Variants in TBC1D32 observed in about 807,000 individuals in gnomAD.
The protein encoded by TBC1D32 is protein broad-minded.
TBC1D32 carries 151 observed loss-of-function variants against 170.3 expected under a neutral mutation model. That is an observed-to-expected ratio of 0.89 (90% CI 0.78 to 1.01). TBC1D32 has a LOEUF of 1.01. TBC1D32 is among the 50% of genes least tolerant of loss of function. The pLI is 0.00. For synonymous variants in TBC1D32, 498 were observed against 488.0 expected, an observed-to-expected ratio of 1.02 and a Z score of -0.27; for missense variants, 1,464 against 1,457.1, an observed-to-expected ratio of 1.00 and a Z score of -0.08.
chr6:121,281,515 T>C, intron 14 of TBC1D32, 29 bp downstream of exon 14: 1 of 1,583,074 alleles, frequency 6.3e-7, no homozygotes, highest in South Asian at 1.2e-5. Flanking sequence ...GGTAAGAGAC[T>C]CTTTTTCTCC....
chr6:121,260,268 C>G (rs1419919361), intron 15 of TBC1D32, among the ~76,000 whole-genome samples: 1 of 151,652 alleles, frequency 6.6e-6, no homozygotes, highest in Non-Finnish European at 1.5e-5. Context: ...ATACAGAAAG[C>G]AATTTAGAAG....
intron 3 of TBC1D32, 116 bp from the exon 4 acceptor site, chr6:121,310,963 A>T: frequency 1.5e-6 from 1 of 676,184 alleles, no homozygotes; most frequent in Non-Finnish European, 2.5e-6. Context: ...AGAGAAGGAG[A>T]TGATCTATTT....
chr6:121,101,634 C>T lies in TBC1D32; in HGVS notation c.3465+4389G>A, dbSNP rs1475004482. ...TGGAAAACTCACAGCCAGTATCACA[C>T]TGAATGGGCAAAAACTGGAAGCATT... On this transcript the variant is annotated intron_variant, in intron 30 of 31. Coordinates refer to ENST00000398212, the MANE Select transcript of TBC1D32 (RefSeq NM_152730.6). 3.3e-5 allele frequency among the ~76,000 whole-genome samples: 5 copies of T among 152,122 alleles called. No homozygotes were observed. In the South Asian group the frequency reaches 8.3e-4, roughly 25 times the overall value.
At chr6:121,171,857 GTC>G (rs1216310279) in intron 22 of TBC1D32, among the ~76,000 whole-genome samples, 1 of 152,038 alleles carries the variant, frequency 6.6e-6, no homozygotes, top group Non-Finnish European at 1.5e-5. Flanking sequence ...GTTAGGTAAG[GTC>G]TCTCTGAAAG....
upstream of TBC1D32, chr6:121,334,627 G>A (rs1276471194): frequency 1.6e-5 from 10 of 630,860 alleles, no homozygotes; most frequent in South Asian, 9.9e-5. Flanking sequence ...CTTTGGGGAA[G>A]CAGGGGTCCG....
At chr6:121,209,564 G>A (rs909529917) in intron 21 of TBC1D32, among the ~76,000 whole-genome samples, 6 of 152,158 alleles carry the variant, frequency 3.9e-5, no homozygotes, top group African/African-American at 1.4e-4. Flanking sequence ...TCATACAAGT[G>A]GTATTATGTG....
intron 22 of TBC1D32, among the ~76,000 whole-genome samples, chr6:121,162,206 C>G (rs1227780958): frequency 6.6e-6 from 1 of 152,100 alleles, no homozygotes; most frequent in East Asian, 1.9e-4. Flanking sequence ...AATTAGATCC[C>G]ATTTGTCAGT....
chr6:121,140,932 TTAGATTAGCCTGA>T (rs1202734406), intron 24 of TBC1D32, among the ~76,000 whole-genome samples: 2 of 152,242 alleles, frequency 1.3e-5, no homozygotes, highest in African/African-American at 4.8e-5. Flanking sequence ...TAAATTTACT[TTAGATTAGCCTGA>T]ACAAAAGTTT....
intron 30 of TBC1D32, among the ~76,000 whole-genome samples, chr6:121,095,086 A>G (rs1405497904): frequency 6.6e-6 from 1 of 152,234 alleles, no homozygotes; most frequent in Admixed American, 6.5e-5. Flanking sequence ...GCTTATAAAG[A>G]AAGTGAAACA....
intron 31 of TBC1D32, among the ~76,000 whole-genome samples, chr6:121,088,292 T>A (rs1285875320): frequency 6.6e-6 from 1 of 152,110 alleles, no homozygotes; most frequent in Non-Finnish European, 1.5e-5. Flanking sequence ...TTTCCCTCTG[T>A]ACAAATCTGA....
chr6:121,234,131 C>T (rs768660849), intron 20 of TBC1D32, among the ~76,000 whole-genome samples: 6 of 152,278 alleles, frequency 3.9e-5, no homozygotes, highest in Admixed American at 1.3e-4. Context: ...TTTTGCTTCA[C>T]AGCTCTTAAG....
intron 1 of TBC1D32, among the ~76,000 whole-genome samples, chr6:121,324,998 T>A (rs1476531164): frequency 6.6e-6 from 1 of 151,922 alleles, no homozygotes; most frequent in Non-Finnish European, 1.5e-5. Flanking sequence ...TCACCAGAGG[T>A]CAGGAGTTCA....
intron 8 of TBC1D32, 38 bp from the exon 9 acceptor site, chr6:121,303,799 T>C (rs73526687): frequency 0.028 from 39,020 of 1,389,788 alleles, 1,192 homozygotes; most frequent in African/African-American, 0.12. Flanking sequence ...ATTACACATA[T>C]AGTTCTGGTG....
At position 121,110,250 on chromosome 6, in the gene TBC1D32, CA is replaced by C. The variant is rs1255958377; in HGVS notation, c.3324+2254del. 2.2e-3 allele frequency among the ~76,000 whole-genome samples: 248 copies of C among 113,910 alleles called. 2 individuals carry two copies. Among genetic ancestry groups the C allele is most frequent in the Non-Finnish European group, 1.8e-3 (97 of 54,090 alleles). 74.7% of individuals were successfully genotyped at this position (113,910 alleles called of 152,430 possible). A position where few individuals can be genotyped will look rare whatever the true frequency, so the allele number is the denominator to read the frequency against. On this transcript the variant is annotated intron_variant, in intron 29 of 31. Transcript: ENST00000398212. ...TGGGCGACAGAGTGAGACTCTGTCT[CA>C]AAAAAAAAAAAATTTTATATATATA...
intron 4 of TBC1D32, 51 bp from the exon 5 acceptor site, chr6:121,308,152 C>T: frequency 1.3e-6 from 2 of 1,554,162 alleles, no homozygotes; most frequent in Non-Finnish European, 1.8e-6. Context: ...TAAAATAATG[C>T]CACTTTTCCA....
rs569137407 is a variant in TBC1D32 at position 121,321,585 on chromosome 6, G to A, written c.317+48C>T. The A allele has an allele frequency of 1.0e-4, 163 of 1,562,080 alleles. 1 individual carries two copies. The South Asian group carries it at 1.4e-3, about 13-fold the overall frequency. ...ACAGAGATCAGGGTGCTGTCAAGAC[G>A]TCTTGTTGAAGAAGGTTATTTGAAG... On this transcript the variant is annotated intron_variant, in intron 2 of 31. Transcript: ENST00000398212.
chr6:121,134,538 T>C (rs983821606), intron 24 of TBC1D32, among the ~76,000 whole-genome samples: 6 of 151,988 alleles, frequency 3.9e-5, no homozygotes, highest in Non-Finnish European at 7.4e-5. Flanking sequence ...TTTGAGGCAA[T>C]AAAGAAATGC....
chr6:121,321,712 A>G lies in TBC1D32; in HGVS notation c.238T>C (p.Ser80Pro). ...MIEEEMEKCT[S>P]DRNQGEECGY... ...CATTCTTCACCCTGATTCCGATCAG[A>G]TGTGCATTTTTCCATTTCTTCTTCA... Residue 80 changes from serine to proline, a missense_variant, in exon 2 of 32, where the codon TCT (serine) becomes CCT (proline). By Grantham distance (74) the Ser-to-Pro change is moderately conservative. Around this residue, in one of 3 missense-constraint regions of TBC1D32, gnomAD observed 1,363 missense variants for 1,338.1 expected, o/e 1.02. Transcript: ENST00000398212. The G allele has an allele frequency of 1.2e-6, 2 of 1,614,048 alleles. No individual in the cohort carries two copies. Among genetic ancestry groups the G allele is most frequent in the Non-Finnish European group, 8.5e-7 (1 of 1,179,960 alleles).
At chr6:121,286,829 G>T (rs975158864) in intron 12 of TBC1D32, among the ~76,000 whole-genome samples, 1 of 152,196 alleles carries the variant, frequency 6.6e-6, no homozygotes, top group African/African-American at 2.4e-5. Flanking sequence ...CAAGCCAGAA[G>T]AGAGTGGGGG....
Sources: gnomAD v4.1 joint callset for allele counts (sites outside exome capture counted in the v4.1 genomes callset) on GRCh38, gnomAD v4.1.1 for gene constraint, gnomAD v4.1.1 regional missense constraint, MANE v1.5 for transcripts, NCBI Gene and HGNC (gene_info 2026-07-23, HGNC 2026-07-21) for gene names.